SIPA1L3: variants seen among roughly 807,000 people sequenced by gnomAD.
SIPA1L3 encodes signal induced proliferation associated 1 like 3.
Under a neutral mutation model 150.1 loss-of-function variants are expected in SIPA1L3, and 59 were observed. That is an observed-to-expected ratio of 0.39 (90% CI 0.32 to 0.49). SIPA1L3 has a LOEUF of 0.49. SIPA1L3 is among the 20% of genes least tolerant of loss of function. The probability of loss-of-function intolerance (pLI) is 0.86; values close to 1 mark genes in which losing one functional copy is unlikely to be tolerated. For missense variants in SIPA1L3, 2,211 were observed against 2,489.5 expected, an observed-to-expected ratio of 0.89 and a Z score of 2.38; for synonymous variants, 1,070 against 1,077.6, an observed-to-expected ratio of 0.99 and a Z score of 0.14.
In SIPA1L3 at chr19:38,093,011, T is replaced by C. The variant is rs571841789; in HGVS notation, c.1665+4160T>C. On this transcript the variant is annotated intron_variant, in intron 4 of 21. Coordinates refer to ENST00000222345, the MANE Select transcript of SIPA1L3 (RefSeq NM_015073.3). ...AGTAGCTGGGACTACAGGCTCCCACTACCACACCCTGCTAATTTTTTGTAT... is the reference window on the plus strand; with the variant it reads ...AGTAGCTGGGACTACAGGCTCCCACCACCACACCCTGCTAATTTTTTGTAT... 2.6e-3 allele frequency among the ~76,000 whole-genome samples: 397 copies of C among 151,954 alleles called. 2 individuals are homozygous for C. The highest frequency in any genetic ancestry group is 9.3e-3 in the African/African-American group (385 of 41,440).
chr19:38,036,669 T>C (rs1968799179), intron 2 of SIPA1L3, among the ~76,000 whole-genome samples: 1 of 152,230 alleles, frequency 6.6e-6, no homozygotes, highest in Admixed American at 6.5e-5. Context: ...GGAATGCCTC[T>C]GATGGGCGAG....
chr19:38,094,754 G>A (rs906603599), intron 4 of SIPA1L3, among the ~76,000 whole-genome samples: 2 of 151,930 alleles, frequency 1.3e-5, no homozygotes, highest in Non-Finnish European at 2.9e-5. Context: ...ACAACGTAGC[G>A]AGACCCCATC....
chr19:37,919,774 G>A (rs188969583), intron 1 of SIPA1L3, among the ~76,000 whole-genome samples: 4 of 141,822 alleles, frequency 2.8e-5, no homozygotes, highest in African/African-American at 7.9e-5. Context: ...GCAGTGGCGC[G>A]ATCTCAGCTC....
intron 2 of SIPA1L3, among the ~76,000 whole-genome samples, chr19:38,038,776 C>CT (rs1365718609): frequency 6.6e-6 from 1 of 152,336 alleles, no homozygotes; most frequent in African/African-American, 2.4e-5. Flanking sequence ...ATGTTGGCAA[C>CT]TTTAAGAAAT....
At chr19:37,968,987 A>G (rs1251736921) in intron 1 of SIPA1L3, among the ~76,000 whole-genome samples, 1 of 152,256 alleles carries the variant, frequency 6.6e-6, no homozygotes, top group Non-Finnish European at 1.5e-5. Flanking sequence ...GCAAATGAAA[A>G]TAGTGTTCTT....
At chr19:38,171,385 CTTTTT>C (rs1055077464) in intron 15 of SIPA1L3, among the ~76,000 whole-genome samples, 1 of 77,882 alleles carries the variant, frequency 1.3e-5, no homozygotes. Flanking sequence ...CCTACCAAAA[CTTTTT>C]TTTTTTTTTT....
chr19:38,191,999 C>T lies in SIPA1L3; in HGVS notation c.4431-146C>T, dbSNP rs1972814686. On this transcript the variant is annotated intron_variant, in intron 16 of 21. Coordinates refer to ENST00000222345, the MANE Select transcript of SIPA1L3 (RefSeq NM_015073.3). ...TGTGGAAGAAGGGAATGGAGCCAAG[C>T]CCCTCTCTGCCACGCGTTTGCTGGG... The T allele has an allele frequency of 4.4e-6, 3 of 675,066 alleles. No homozygotes were observed. In the East Asian group the frequency reaches 8.9e-5, roughly 20 times the overall value. 41.8% of individuals were successfully genotyped at this position (675,066 alleles called of 1,614,324 possible).
intron 15 of SIPA1L3, among the ~76,000 whole-genome samples, chr19:38,180,145 A>T (rs1972524766): frequency 6.6e-6 from 1 of 152,142 alleles, no homozygotes; most frequent in South Asian, 2.1e-4. Context: ...TGTATCAGGC[A>T]GGTGTGCTAG....
intron 1 of SIPA1L3, among the ~76,000 whole-genome samples, chr19:37,921,262 A>G (rs2046455109): frequency 6.6e-6 from 1 of 152,174 alleles, no homozygotes; most frequent in Non-Finnish European, 1.5e-5. Context: ...CCATCACTGC[A>G]TTTGTGCTTT....
chr19:37,972,022 T>C (rs1966953020), intron 1 of SIPA1L3, among the ~76,000 whole-genome samples: 1 of 152,220 alleles, frequency 6.6e-6, no homozygotes, highest in Admixed American at 6.5e-5. Context: ...TTTTAGCTAT[T>C]ATGAATAATG....
intron 10 of SIPA1L3, among the ~76,000 whole-genome samples, chr19:38,136,305 C>A (rs1201837249): frequency 6.6e-6 from 1 of 151,330 alleles, no homozygotes; most frequent in East Asian, 2.0e-4. Context: ...CATTTTAATC[C>A]TTAAAAAAAA....
chr19:37,995,816 G>C (rs1157750205), intron 1 of SIPA1L3, among the ~76,000 whole-genome samples: 28 of 152,206 alleles, frequency 1.8e-4, no homozygotes, highest in Admixed American at 1.8e-3. Flanking sequence ...GGGCCCACAC[G>C]TGCCATTGGG....
intron 1 of SIPA1L3, among the ~76,000 whole-genome samples, chr19:38,016,441 A>T (rs1481754966): frequency 6.6e-6 from 1 of 152,186 alleles, no homozygotes; most frequent in African/African-American, 2.4e-5. Flanking sequence ...TGACATCATC[A>T]ACTACCCATT....
Position 38,164,941 on chromosome 19 carries a change from C to T in SIPA1L3, c.4208+35C>T, listed in dbSNP as rs750705638. Reference sequence around the variant, plus strand: ...TGCACCTAGTCTGGGTTCTAACCACCTTCCACTTCGCCAGTTCTACTTTTA... The same window carrying T: ...TGCACCTAGTCTGGGTTCTAACCACTTTCCACTTCGCCAGTTCTACTTTTA... On this transcript the variant is annotated intron_variant, in intron 15 of 21. Transcript: ENST00000222345. The surrounding 1 kb of genome is among the most constrained non-coding windows in gnomAD (Gnocchi z 4.1). 35 of 1,493,856 alleles carry T rather than the reference C, an allele frequency of 2.3e-5. No homozygotes were observed. Among genetic ancestry groups the T allele is most frequent in the Non-Finnish European group, 3.1e-5 (35 of 1,124,124 alleles). 92.5% of individuals were successfully genotyped at this position (1,493,856 alleles called of 1,614,324 possible).
intron 6 of SIPA1L3, among the ~76,000 whole-genome samples, chr19:38,101,818 G>A (rs768714494): frequency 4.6e-5 from 7 of 152,284 alleles, no homozygotes; most frequent in African/African-American, 1.7e-4. Context: ...TGTCTAATGT[G>A]CACGTGCATG....
At chr19:38,050,537 A>G (rs1969169778) in intron 2 of SIPA1L3, among the ~76,000 whole-genome samples, 1 of 152,186 alleles carries the variant, frequency 6.6e-6, no homozygotes, top group Non-Finnish European at 1.5e-5. Context: ...TATCACCGTC[A>G]TTATTATTGT....
chr19:37,962,000 T>G (rs993798362), intron 1 of SIPA1L3, among the ~76,000 whole-genome samples: 4 of 152,160 alleles, frequency 2.6e-5, no homozygotes, highest in Non-Finnish European at 2.9e-5. Flanking sequence ...CTTTAAATGT[T>G]ATTTTATTTA....
chr19:38,164,916 T>TG lies in SIPA1L3; in HGVS notation c.4208+11dup. 6.6e-7 allele frequency: 1 copy of TG among 1,524,642 alleles called. No homozygotes were observed. Among genetic ancestry groups the TG allele is most frequent in the Non-Finnish European group, 8.8e-7 (1 of 1,136,322 alleles). 94.4% of individuals were successfully genotyped at this position (1,524,642 alleles called of 1,614,324 possible). On this transcript the variant is annotated intron_variant, in intron 15 of 21. Transcript: ENST00000222345. The surrounding 1 kb of genome is among the most constrained non-coding windows in gnomAD (Gnocchi z 4.1). ...CACCGAGGCAGCCCAGGTAAGCTGTTGCACCTAGTCTGGGTTCTAACCACC... is the reference window on the plus strand; with the variant it reads ...CACCGAGGCAGCCCAGGTAAGCTGTTGGCACCTAGTCTGGGTTCTAACCACC...
intron 2 of SIPA1L3, among the ~76,000 whole-genome samples, chr19:38,065,987 C>CTTATTTAT (rs56249728): frequency 0.037 from 4,548 of 121,326 alleles, 209 homozygotes; most frequent in Admixed American, 0.063. Flanking sequence ...GGCTTGATCT[C>CTTATTTAT]TTATTTATTT....
Sources: gnomAD v4.1 joint callset for allele counts (sites outside exome capture counted in the v4.1 genomes callset) on GRCh38, gnomAD v4.1.1 for gene constraint, Gnocchi (gnomAD v3.1) non-coding constraint, MANE v1.5 for transcripts, NCBI Gene and HGNC (gene_info 2026-07-23, HGNC 2026-07-21) for gene names.